The following LRMDA variants were observed in gnomAD, a reference collection of about 807,000 sequenced individuals.
The protein encoded by LRMDA is leucine-rich melanocyte differentiation-associated protein.
Under a neutral mutation model 29.8 loss-of-function variants are expected in LRMDA, and 18 were observed. The ratio of observed to expected loss-of-function variants is 0.60; its 90% CI spans 0.42 to 0.90. The LOEUF (loss-of-function observed/expected upper bound fraction) is 0.90. LRMDA is among the 40% of genes least tolerant of loss of function. The probability of loss-of-function intolerance (pLI) is 0.00; values close to 1 mark genes in which losing one functional copy is unlikely to be tolerated. For synonymous variants in LRMDA, 125 were observed against 109.4 expected, an observed-to-expected ratio of 1.14 and a Z score of -0.89; for missense variants, 273 against 273.9, an observed-to-expected ratio of 1.00 and a Z score of 0.02.
At chr10:76,089,392 G>T (rs1342429575) in intron 5 of LRMDA, among the ~76,000 whole-genome samples, 1 of 152,220 alleles carries the variant, frequency 6.6e-6, no homozygotes, top group Non-Finnish European at 1.5e-5. Context: ...AATTGCACTG[G>T]TGAAAAATGA....
intron 5 of LRMDA, among the ~76,000 whole-genome samples, chr10:76,180,716 C>T (rs530275338): frequency 6.6e-6 from 1 of 152,314 alleles, no homozygotes; most frequent in Non-Finnish European, 1.5e-5. Context: ...CTGGTTCCAT[C>T]ACACTGGCCT....
At chr10:75,935,010 T>G (rs2132404022) in intron 2 of LRMDA, among the ~76,000 whole-genome samples, 1 of 152,260 alleles carries the variant, frequency 6.6e-6, no homozygotes, top group South Asian at 2.1e-4. Context: ...CTGTCACTAG[T>G]GCTCCTGGTC....
At chr10:76,365,989 G>T (rs1841387848) in intron 6 of LRMDA, among the ~76,000 whole-genome samples, 1 of 152,104 alleles carries the variant, frequency 6.6e-6, no homozygotes, top group South Asian at 2.1e-4. Flanking sequence ...ACCATTTGTT[G>T]AAAAGGGTGT....
intron 2 of LRMDA, among the ~76,000 whole-genome samples, chr10:75,983,105 C>T (rs570909294): frequency 6.6e-6 from 1 of 152,278 alleles, no homozygotes; most frequent in East Asian, 1.9e-4. Context: ...TCAACCTCCA[C>T]TTGAAGGCAG....
At chr10:76,501,553 T>C (rs1842909609) in intron 6 of LRMDA, among the ~76,000 whole-genome samples, 1 of 152,070 alleles carries the variant, frequency 6.6e-6, no homozygotes, top group Admixed American at 6.6e-5. Flanking sequence ...CTTTTTAATA[T>C]AGCAATTCTG....
intron 6 of LRMDA, among the ~76,000 whole-genome samples, chr10:76,327,239 G>C (rs1185443275): frequency 1.3e-5 from 2 of 151,944 alleles, no homozygotes; most frequent in African/African-American, 4.8e-5. Context: ...TTACAGGTGT[G>C]TGCCACCATG....
intron 4 of LRMDA, among the ~76,000 whole-genome samples, 171 bp downstream of exon 4, chr10:76,047,474 G>T (rs1848460448): frequency 6.6e-6 from 1 of 152,166 alleles, no homozygotes; most frequent in Non-Finnish European, 1.5e-5. Flanking sequence ...TCTCTTGGTT[G>T]AGGTCACAAA....
chr10:76,014,781 G>T (rs1847854836), intron 2 of LRMDA, among the ~76,000 whole-genome samples: 1 of 152,292 alleles, frequency 6.6e-6, no homozygotes, highest in South Asian at 2.1e-4. Flanking sequence ...GTAGAATGGA[G>T]GCCCACTGGC....
At chr10:75,645,521 C>T (rs768798826) in intron 2 of LRMDA, among the ~76,000 whole-genome samples, 39 of 152,004 alleles carry the variant, frequency 2.6e-4, no homozygotes, top group Non-Finnish European at 5.4e-4. Context: ...TAGAACGTGG[C>T]CTGGTGGTGG....
At chr10:76,489,117 G>T (rs1842809326) in intron 6 of LRMDA, among the ~76,000 whole-genome samples, 2 of 151,848 alleles carry the variant, frequency 1.3e-5, no homozygotes, top group Admixed American at 6.6e-5. Context: ...ATATTTGATA[G>T]AATTCAGCAG....
chr10:75,687,947 T>C (rs1311839531), intron 2 of LRMDA, among the ~76,000 whole-genome samples: 1 of 151,522 alleles, frequency 6.6e-6, no homozygotes, highest in Non-Finnish European at 1.5e-5. Context: ...TACAACATGG[T>C]TTACTGAATA....
intron 2 of LRMDA, among the ~76,000 whole-genome samples, chr10:75,700,130 C>G (rs1272488512): frequency 6.6e-6 from 1 of 152,072 alleles, no homozygotes; most frequent in African/African-American, 2.4e-5. Context: ...AAAATGCCAT[C>G]AAGTTTGGGA....
intron 5 of LRMDA, among the ~76,000 whole-genome samples, chr10:76,291,932 GCACACACACA>G (rs34113053): frequency 1.3e-5 from 2 of 148,476 alleles, no homozygotes; most frequent in East Asian, 2.0e-4. Flanking sequence ...ACACACACGT[GCACACACACA>G]CACACACACA....
intron 6 of LRMDA, chr10:76,402,251 G>A (rs1841857166): frequency 6.6e-6 from 1 of 152,242 alleles, no homozygotes; most frequent in Admixed American, 6.5e-5. Flanking sequence ...AAATAGCCAA[G>A]AGCTAGACAC....
chr10:75,787,322 G>A (rs921036531), intron 2 of LRMDA, among the ~76,000 whole-genome samples: 7 of 152,300 alleles, frequency 4.6e-5, no homozygotes, highest in South Asian at 2.1e-4. Flanking sequence ...GGTTGGAGAC[G>A]TCAGCCTGGC....
intron 5 of LRMDA, among the ~76,000 whole-genome samples, chr10:76,120,458 G>A (rs1377184543): frequency 6.6e-6 from 1 of 152,058 alleles, no homozygotes; most frequent in Admixed American, 6.5e-5. Flanking sequence ...AAAGTGCTGG[G>A]ATTACAGGCG....
chr10:76,129,742 A>T (rs969042733), intron 5 of LRMDA, among the ~76,000 whole-genome samples: 1 of 152,040 alleles, frequency 6.6e-6, no homozygotes, highest in Non-Finnish European at 1.5e-5. Flanking sequence ...TTTCCCCAGC[A>T]CCCACACTTG....
At chr10:75,919,443 A>G (rs1236560573) in intron 2 of LRMDA, among the ~76,000 whole-genome samples, 1 of 152,120 alleles carries the variant, frequency 6.6e-6, no homozygotes, top group Non-Finnish European at 1.5e-5. Context: ...GTGCAATTGG[A>G]GCATACAGAT....
intron 2 of LRMDA, among the ~76,000 whole-genome samples, chr10:75,648,380 T>C (rs936627277): frequency 2.0e-5 from 3 of 152,204 alleles, no homozygotes; most frequent in African/African-American, 7.2e-5. Context: ...AGCAGAATTA[T>C]CTGCTTGAGA....
Sources: allele counts gnomAD v4.1 joint callset (sites outside exome capture counted in the v4.1 genomes callset), GRCh38; gene constraint gnomAD v4.1.1; transcripts MANE v1.5; gene names NCBI Gene and HGNC (gene_info 2026-07-23, HGNC 2026-07-21).